Variants in NLK observed in about 807,000 individuals in gnomAD.
NLK encodes the protein serine/threonine-protein kinase NLK.
NLK carries 11 observed loss-of-function variants against 59.0 expected under a neutral mutation model. The observed-to-expected ratio is 0.19, with a 90% CI of 0.12 to 0.31. The LOEUF (loss-of-function observed/expected upper bound fraction) is 0.31. Ranked by LOEUF, NLK falls within the 10% of genes least tolerant of loss-of-function variation. The pLI, the probability that NLK is intolerant of heterozygous loss-of-function variation, is 1.00. For synonymous variants in NLK, 235 were observed against 235.9 expected, an observed-to-expected ratio of 1.00 and a Z score of 0.03; for missense variants, 410 against 661.1, an observed-to-expected ratio of 0.62 and a Z score of 4.16.
intron 3 of NLK, among the ~76,000 whole-genome samples, chr17:28,156,977 G>T (rs1310504109): frequency 6.6e-6 from 1 of 152,038 alleles, no homozygotes; most frequent in South Asian, 2.1e-4. Flanking sequence ...ATTCTATAAA[G>T]AACATAGTGA....
chr17:28,200,021 G>C (rs757768920), downstream of NLK, among the ~76,000 whole-genome samples: 1 of 152,282 alleles, frequency 6.6e-6, no homozygotes, highest in Middle Eastern at 3.4e-3. Flanking sequence ...GAGGTGATCC[G>C]ATCTGTGCTT....
chr17:28,200,305 ATGAT>A (rs1473861614), downstream of NLK, among the ~76,000 whole-genome samples: 2 of 152,160 alleles, frequency 1.3e-5, no homozygotes, highest in African/African-American at 2.4e-5. Context: ...TTTTAGATAT[ATGAT>A]CCATTTTGAG....
chr17:28,187,583 A>C (rs183808345), intron 8 of NLK, among the ~76,000 whole-genome samples: 1 of 152,104 alleles, frequency 6.6e-6, no homozygotes, highest in Non-Finnish European at 1.5e-5. Flanking sequence ...TACAGGCATG[A>C]GCCACCGCAC....
intron 1 of NLK, among the ~76,000 whole-genome samples, chr17:28,108,554 G>T (rs558496343): frequency 6.6e-6 from 1 of 152,210 alleles, no homozygotes; most frequent in African/African-American, 2.4e-5. Context: ...AGTAAAGCAT[G>T]TTACTGTATT....
Position 28,111,896 on chromosome 17 carries a change from GGTGTGTGTGTGTGTGTGTGT to G in NLK, c.459-10676_459-10657del, listed in dbSNP as rs747211468. ...TGTGTGTGTGTGTGTGTGTGTGTGT[GGTGTGTGTGTGTGTGTGTGT>G]GTGTGTGTGTGTGTGTGTGTGTGTG... is the stretch of plus-strand genomic sequence containing the variant. On this transcript the variant is annotated intron_variant, in intron 1 of 10. Transcript: ENST00000407008. Among the ~76,000 whole-genome samples the G allele has an allele frequency of 1.9e-4, 13 of 67,544 alleles. No individual in the cohort carries two copies. In the East Asian group the frequency reaches 4.1e-3, roughly 21 times the overall value. 44.3% of individuals were successfully genotyped at this position (67,544 alleles called of 152,430 possible). A position where few individuals can be genotyped will look rare whatever the true frequency, so the allele number is the denominator to read the frequency against.
At chr17:28,055,030 A>G (rs1486675414) in intron 1 of NLK, among the ~76,000 whole-genome samples, 1 of 151,762 alleles carries the variant, frequency 6.6e-6, no homozygotes, top group Non-Finnish European at 1.5e-5. Flanking sequence ...CATGGTCTTC[A>G]TGTATACAGC....
chr17:28,121,615 C>T (rs539374999), intron 1 of NLK, among the ~76,000 whole-genome samples: 1 of 139,014 alleles, frequency 7.2e-6, no homozygotes, highest in African/African-American at 2.7e-5. Flanking sequence ...AATTCTTGTG[C>T]CTCAGCCTCC....
chr17:28,054,993 G>A (rs991102699), intron 1 of NLK, among the ~76,000 whole-genome samples: 1 of 152,020 alleles, frequency 6.6e-6, no homozygotes, highest in African/African-American at 2.4e-5. Context: ...ATTATCTGTG[G>A]GTAAATTATT....
intron 1 of NLK, among the ~76,000 whole-genome samples, chr17:28,104,312 T>C (rs907943517): frequency 3.9e-5 from 6 of 152,192 alleles, no homozygotes; most frequent in African/African-American, 9.7e-5. Flanking sequence ...TAGAGTGCAG[T>C]GGTGCAATCT....
intron 1 of NLK, among the ~76,000 whole-genome samples, chr17:28,092,419 T>G (rs1005496489): frequency 6.6e-6 from 1 of 152,250 alleles, no homozygotes; most frequent in Admixed American, 6.5e-5. Flanking sequence ...TTAGAACATT[T>G]ACTTAATAGG....
intron 1 of NLK, among the ~76,000 whole-genome samples, chr17:28,100,158 T>G (rs893413918): frequency 1.3e-5 from 2 of 152,238 alleles, no homozygotes; most frequent in African/African-American, 4.8e-5. Flanking sequence ...CATTTTACAT[T>G]ACATAGCTCT....
At position 28,111,620 on chromosome 17, in the gene NLK, G is replaced by A. The variant is rs543046258; in HGVS notation, c.459-10983G>A. Among the ~76,000 whole-genome samples, 5 of 152,162 alleles carry A rather than the reference G, an allele frequency of 3.3e-5. No individual in the cohort carries two copies. The East Asian group carries it at 9.6e-4, about 29-fold the overall frequency. On this transcript the variant is annotated intron_variant, in intron 1 of 10. Transcript: ENST00000407008. ...TCTGGTTCTGATTTTCCTCACCTCTGACGGTTGTCATTATTGTTGTTATGT... is the reference window on the plus strand; with the variant it reads ...TCTGGTTCTGATTTTCCTCACCTCTAACGGTTGTCATTATTGTTGTTATGT...
intron 3 of NLK, among the ~76,000 whole-genome samples, chr17:28,153,736 T>C (rs1907583585): frequency 6.6e-6 from 1 of 152,356 alleles, no homozygotes; most frequent in South Asian, 2.1e-4. Context: ...CCCTTGACAA[T>C]TCTGGAACCA....
At chr17:28,069,756 G>A (rs1438380703) in intron 1 of NLK, among the ~76,000 whole-genome samples, 2 of 152,000 alleles carry the variant, frequency 1.3e-5, no homozygotes, top group African/African-American at 2.4e-5. Flanking sequence ...TATACTGTAG[G>A]AGTCTTATTT....
At chr17:28,166,267 T>C (rs1908233076) in intron 5 of NLK, among the ~76,000 whole-genome samples, 1 of 152,156 alleles carries the variant, frequency 6.6e-6, no homozygotes, top group Non-Finnish European at 1.5e-5. Flanking sequence ...CTCGGGCTTT[T>C]GTTGTTATGT....
At chr17:28,056,581 G>C (rs895934793) in intron 1 of NLK, among the ~76,000 whole-genome samples, 1 of 152,180 alleles carries the variant, frequency 6.6e-6, no homozygotes, top group African/African-American at 2.4e-5. Context: ...TTAATCTGTT[G>C]GTTATTTTGT....
chr17:28,192,076 C>A, intron 9 of NLK, 44 bp from the exon 10 acceptor site: 1 of 1,176,206 alleles, frequency 8.5e-7, no homozygotes, highest in Non-Finnish European at 1.2e-6. Context: ...TGCTCCCGGG[C>A]TTGCAAATTG....
At chr17:28,187,667 G>A (rs1197784270) in intron 8 of NLK, among the ~76,000 whole-genome samples, 1 of 152,116 alleles carries the variant, frequency 6.6e-6, no homozygotes, top group Non-Finnish European at 1.5e-5. Flanking sequence ...TTTAAGGCTG[G>A]AACTTCCTAA....
chr17:28,115,682 T>C (rs558414328), intron 1 of NLK, among the ~76,000 whole-genome samples: 1 of 152,218 alleles, frequency 6.6e-6, no homozygotes, highest in South Asian at 2.1e-4. Flanking sequence ...CCCCATCAAT[T>C]TGGGGGGAGT....
Sources: allele counts gnomAD v4.1 joint callset (sites outside exome capture counted in the v4.1 genomes callset), GRCh38; gene constraint gnomAD v4.1.1; transcripts MANE v1.5; gene names NCBI Gene and HGNC (gene_info 2026-07-23, HGNC 2026-07-21).